Variants in STXBP5L observed in about 807,000 individuals in gnomAD.
The protein encoded by STXBP5L is syntaxin binding protein 5L.
Under a neutral mutation model 144.5 loss-of-function variants are expected in STXBP5L, and 65 were observed. The observed-to-expected ratio is 0.45, with a 90% confidence interval of 0.37 to 0.55. The LOEUF is 0.55. STXBP5L is among the 20% of genes least tolerant of loss of function. STXBP5L has a pLI of 0.00. For synonymous variants in STXBP5L, 505 were observed against 469.6 expected (o/e 1.08, Z -0.97); for missense variants, 1,298 against 1,405.5 (o/e 0.92, Z 1.22).
At chr3:120,947,171 G>A (rs1451745534) in intron 2 of STXBP5L, among the ~76,000 whole-genome samples, 3 of 151,724 alleles carry the variant, frequency 2.0e-5, no homozygotes, top group Non-Finnish European at 4.4e-5. Flanking sequence ...TTTTTTACTA[G>A]CTTTGCTACC....
At chr3:121,270,459 G>C (rs1454662445) in intron 18 of STXBP5L, among the ~76,000 whole-genome samples, 3 of 151,672 alleles carry the variant, frequency 2.0e-5, no homozygotes, top group Non-Finnish European at 4.4e-5. Context: ...CAGTTCTTCA[G>C]CATTTTTTTT....
At chr3:121,029,201 A>C (rs1360611211) in intron 3 of STXBP5L, among the ~76,000 whole-genome samples, 2 of 152,190 alleles carry the variant, frequency 1.3e-5, no homozygotes, top group Non-Finnish European at 2.9e-5. Context: ...TATGGAACCA[A>C]AAAAGAGCCC....
At chr3:121,353,988 A>T (rs1235868708) in intron 20 of STXBP5L, among the ~76,000 whole-genome samples, 1 of 152,150 alleles carries the variant, frequency 6.6e-6, no homozygotes, top group Non-Finnish European at 1.5e-5. Context: ...ATAGTTGAGC[A>T]GTTTTGAGTG....
chr3:121,203,925 A>G (rs373756489), intron 9 of STXBP5L, among the ~76,000 whole-genome samples: 6 of 152,016 alleles, frequency 3.9e-5, no homozygotes, highest in African/African-American at 7.2e-5. Flanking sequence ...ATCTCCAACC[A>G]TCTATTTCTC....
chr3:121,340,092 C>A (rs576039409), intron 20 of STXBP5L, among the ~76,000 whole-genome samples: 1 of 151,888 alleles, frequency 6.6e-6, no homozygotes, highest in Non-Finnish European at 1.5e-5. Context: ...GCCCAAATAG[C>A]CAAAGCAATT....
chr3:120,913,523 T>C (rs1227764163), intron 2 of STXBP5L, among the ~76,000 whole-genome samples: 2 of 152,106 alleles, frequency 1.3e-5, no homozygotes, highest in Non-Finnish European at 2.9e-5. Context: ...TTACTACTTA[T>C]ATATGCCTTA....
At chr3:121,041,644 C>A in intron 3 of STXBP5L, 56 bp from the exon 4 acceptor site, 2 of 1,275,588 alleles carry the variant, frequency 1.6e-6, no homozygotes, top group Non-Finnish European at 2.3e-6. Flanking sequence ...AGTTTCTTTG[C>A]TCATTAATAT....
chr3:121,389,654 T>C (rs1164221085), intron 22 of STXBP5L, among the ~76,000 whole-genome samples: 1 of 152,254 alleles, frequency 6.6e-6, no homozygotes, highest in Non-Finnish European at 1.5e-5. Context: ...CCAGTAGTCA[T>C]TCAGGAGCAA....
chr3:121,027,893 T>C (rs1946067874), intron 3 of STXBP5L, among the ~76,000 whole-genome samples: 1 of 152,124 alleles, frequency 6.6e-6, no homozygotes, highest in Non-Finnish European at 1.5e-5. Context: ...TCACCTTTCC[T>C]TTCATATATC....
intron 9 of STXBP5L, among the ~76,000 whole-genome samples, chr3:121,168,200 G>A (rs564077884): frequency 3.0e-4 from 45 of 152,148 alleles, no homozygotes; most frequent in Non-Finnish European, 5.6e-4. Context: ...AAAGACCAAA[G>A]GTAGATAAAT....
At chr3:121,167,852 C>T (rs2046557931) in intron 9 of STXBP5L, among the ~76,000 whole-genome samples, 1 of 152,214 alleles carries the variant, frequency 6.6e-6, no homozygotes, top group African/African-American at 2.4e-5. Context: ...ATTGCCTCCT[C>T]AAGTGGGTCC....
intron 9 of STXBP5L, among the ~76,000 whole-genome samples, chr3:121,170,408 G>A (rs1245296608): frequency 1.3e-5 from 2 of 152,088 alleles, no homozygotes; most frequent in African/African-American, 4.8e-5. Context: ...GAATCTAGGA[G>A]CTGGTTTTTG....
rs113287963 is a variant in STXBP5L at position 120,920,403 on chromosome 3, A to G, written c.189+10636A>G. On this transcript the variant is annotated intron_variant, in intron 2 of 26. Transcript: ENST00000471454. ...ATAGATGCACATATTTTTGGGGTAC[A>G]TATGGTAATTTAAAACATTTATATG... Among the ~76,000 whole-genome samples the G allele has an allele frequency of 2.5e-3, 380 of 151,846 alleles. 2 individuals are homozygous for G. The highest frequency in any genetic ancestry group is 8.6e-3 in the African/African-American group (357 of 41,504).
intron 5 of STXBP5L, among the ~76,000 whole-genome samples, chr3:121,110,820 G>T (rs529945331): frequency 6.6e-6 from 1 of 152,118 alleles, no homozygotes; most frequent in Non-Finnish European, 1.5e-5. Flanking sequence ...CTTGAAGTAC[G>T]TTTTCCAACT....
At chr3:121,197,406 A>G (rs576500229) in intron 9 of STXBP5L, among the ~76,000 whole-genome samples, 4 of 152,184 alleles carry the variant, frequency 2.6e-5, no homozygotes, top group Non-Finnish European at 5.9e-5. Context: ...TTTATTTTCC[A>G]TATGTTCATG....
At chr3:121,044,865 C>G (rs955393192) in intron 4 of STXBP5L, among the ~76,000 whole-genome samples, 7 of 152,006 alleles carry the variant, frequency 4.6e-5, no homozygotes, top group Non-Finnish European at 8.8e-5. Context: ...ATACTAAATT[C>G]TAGTTGGAGA....
At chr3:121,141,205 A>T (rs2045488939) in intron 7 of STXBP5L, among the ~76,000 whole-genome samples, 1 of 152,126 alleles carries the variant, frequency 6.6e-6, no homozygotes, top group South Asian at 2.1e-4. Context: ...GGAGTTTGAG[A>T]CTAGCCTGAC....
At chr3:121,372,367 C>T (rs1401123276) in intron 20 of STXBP5L, among the ~76,000 whole-genome samples, 6 of 152,134 alleles carry the variant, frequency 3.9e-5, no homozygotes, top group Non-Finnish European at 1.5e-5. Context: ...GGGTGACGGG[C>T]ATCACTGGTC....
intron 4 of STXBP5L, among the ~76,000 whole-genome samples, chr3:121,043,709 A>G (rs1947315249): frequency 6.6e-6 from 1 of 151,916 alleles, no homozygotes; most frequent in Non-Finnish European, 1.5e-5. Flanking sequence ...CTCCATCTCA[A>G]AAACAAACAA....
Sources: allele counts gnomAD v4.1 joint callset (sites outside exome capture counted in the v4.1 genomes callset), GRCh38; gene constraint gnomAD v4.1.1; transcripts MANE v1.5; gene names NCBI Gene and HGNC (gene_info 2026-07-23, HGNC 2026-07-21).